The following RGS9 variants were observed in gnomAD, a reference collection of about 807,000 sequenced individuals.
RGS9 encodes regulator of G-protein signalling 9.
RGS9 carries 78 observed loss-of-function variants against 102.0 expected under a neutral mutation model. The ratio of observed to expected loss-of-function variants is 0.76; its 90% CI spans 0.64 to 0.92. The LOEUF (loss-of-function observed/expected upper bound fraction) is 0.92, where lower values mean the gene tolerates loss of function less well. Ranked by LOEUF, RGS9 falls within the 40% of genes least tolerant of loss-of-function variation. The pLI, the probability that RGS9 is intolerant of heterozygous loss-of-function variation, is 0.00. For synonymous variants in RGS9, 353 were observed against 318.6 expected, an observed-to-expected ratio of 1.11 and a Z score of -1.15; for missense variants, 833 against 866.1, an observed-to-expected ratio of 0.96 and a Z score of 0.48.
At chr17:65,164,959 G>C (rs1372565217) in intron 7 of RGS9, among the ~76,000 whole-genome samples, 1 of 152,142 alleles carries the variant, frequency 6.6e-6, no homozygotes, top group Admixed American at 6.5e-5. Context: ...TTACTTAGCT[G>C]AAGTCACTTG....
chr17:65,151,356 AAAG>A (rs1183145102), intron 1 of RGS9, among the ~76,000 whole-genome samples: 2,426 of 138,332 alleles, frequency 0.018, 50 homozygotes, highest in African/African-American at 0.058. Flanking sequence ...AAAAAAAAAA[AAAG>A]AGTCCTTCAG....
chr17:65,137,862 C>A (rs1909970219), intron 1 of RGS9, among the ~76,000 whole-genome samples: 1 of 152,242 alleles, frequency 6.6e-6, no homozygotes, highest in Non-Finnish European at 1.5e-5. Flanking sequence ...TCGGGAGAGG[C>A]AGGTTCAGTT....
chr17:65,147,543 G>A (rs142774013), intron 1 of RGS9, among the ~76,000 whole-genome samples: 13 of 148,548 alleles, frequency 8.8e-5, no homozygotes, highest in Admixed American at 2.7e-4. Context: ...TGAATGACCC[G>A]TCACCTTGAA....
intron 8 of RGS9, among the ~76,000 whole-genome samples, chr17:65,176,772 T>C (rs112151092): frequency 0.031 from 4,348 of 139,976 alleles, 204 homozygotes; most frequent in African/African-American, 0.11. Flanking sequence ...CCCATCCGTC[T>C]ATCTCTTCAC....
At chr17:65,170,821 C>T (rs1911388092) in intron 8 of RGS9, among the ~76,000 whole-genome samples, 1 of 152,144 alleles carries the variant, frequency 6.6e-6, no homozygotes, top group South Asian at 2.1e-4. Context: ...AAAACCAGAC[C>T]AGTAGTCAAA....
chr17:65,215,496 C>T (rs1456694915), intron 17 of RGS9, among the ~76,000 whole-genome samples: 1 of 109,980 alleles, frequency 9.1e-6, no homozygotes, highest in Non-Finnish European at 1.8e-5. Flanking sequence ...TTCGTTCTTT[C>T]GTTCTTTCTT....
At position 65,160,804 on chromosome 17, in the gene RGS9, G is replaced by A. The variant is rs748435440; in HGVS notation, c.365-47G>A. On this transcript the variant is annotated intron_variant, in intron 5 of 18. Coordinates refer to ENST00000262406, the MANE Select transcript of RGS9 (RefSeq NM_003835.4). ...CTCAGGCTTAGGGAGGCTGCAGATG[G>A]GGTTTTGAAAGATGATGATGGAAAA... 1.9e-6 allele frequency: 3 copies of A among 1,589,910 alleles called. No homozygotes were observed. In the African/African-American group the frequency reaches 4.0e-5, roughly 21 times the overall value.
rs182484152 is a variant in RGS9, at chr17:65,190,320, G to A, written c.746+84G>A. 247 of 1,070,458 alleles carry A rather than the reference G, an allele frequency of 2.3e-4. 4 individuals carry two copies. The Admixed American group carries it at 4.1e-3, about 18-fold the overall frequency. The allele number at this position is 1,070,458 out of a possible 1,614,324, so 66.3% of individuals were successfully genotyped here. A position where few individuals can be genotyped will look rare whatever the true frequency, so the allele number is the denominator to read the frequency against. On this transcript the variant is annotated intron_variant, in intron 11 of 18. Transcript: ENST00000262406. The stretch of plus-strand genomic sequence containing the variant: ...ACTTCTGCAAACTCGACAAGTCCTG[G>A]GCTGACAGACTGAAGATTCAGCAGA...
chr17:65,184,420 C>T (rs1282146028), intron 9 of RGS9, among the ~76,000 whole-genome samples: 4 of 152,164 alleles, frequency 2.6e-5, no homozygotes, highest in Non-Finnish European at 5.9e-5. Context: ...GTGCCGCTCA[C>T]GTGCTCAGTG....
At chr17:65,204,933 T>C (rs1912993187) in intron 15 of RGS9, among the ~76,000 whole-genome samples, 1 of 152,172 alleles carries the variant, frequency 6.6e-6, no homozygotes, top group South Asian at 2.1e-4. Context: ...GGCCGAGCTC[T>C]TAGTTTCTGC....
chr17:65,158,145 G>A, intron 2 of RGS9, 150 bp from the exon 3 acceptor site: 3 of 770,298 alleles, frequency 3.9e-6, no homozygotes, highest in Non-Finnish European at 7.1e-6. Context: ...CTGGGACTGA[G>A]CATGATGAGG....
At chr17:65,188,854 A>T in intron 9 of RGS9, 1 of 203,136 alleles carries the variant, frequency 4.9e-6, no homozygotes, top group Non-Finnish European at 1.0e-5. Flanking sequence ...GGCTCAAGCG[A>T]TCCTCCCTCC....
chr17:65,154,275 C>T (rs1289227425), intron 2 of RGS9, among the ~76,000 whole-genome samples: 3 of 152,194 alleles, frequency 2.0e-5, no homozygotes, highest in Non-Finnish European at 4.4e-5. Context: ...CCACTGCACT[C>T]CAGCCTGGGT....
At chr17:65,155,546 G>C (rs1448600682) in intron 2 of RGS9, among the ~76,000 whole-genome samples, 1 of 152,036 alleles carries the variant, frequency 6.6e-6, no homozygotes, top group Non-Finnish European at 1.5e-5. Context: ...GTTTTGTTTT[G>C]TTTGTTTGTT....
chr17:65,178,687 T>C (rs1459633077), intron 9 of RGS9, among the ~76,000 whole-genome samples: 1 of 152,096 alleles, frequency 6.6e-6, no homozygotes. Flanking sequence ...AAATTATCTG[T>C]AGAGACAGTG....
At chr17:65,212,287 A>G (rs1451777202) in intron 17 of RGS9, among the ~76,000 whole-genome samples, 2 of 152,234 alleles carry the variant, frequency 1.3e-5, no homozygotes, top group African/African-American at 4.8e-5. Context: ...TGCAAAAGAC[A>G]GGGAAAGTTG....
intron 12 of RGS9, 54 bp from the exon 13 acceptor site, chr17:65,197,072 C>T: frequency 1.5e-6 from 2 of 1,325,258 alleles, no homozygotes; most frequent in Non-Finnish European, 2.1e-6. Context: ...CAACCCAGGC[C>T]ACCACCTGTC....
intron 7 of RGS9, among the ~76,000 whole-genome samples, chr17:65,164,675 G>T (rs1030783063): frequency 6.6e-6 from 1 of 152,180 alleles, no homozygotes; most frequent in East Asian, 1.9e-4. Flanking sequence ...TGCCCTCCAG[G>T]GGGGAAAATA....
At chr17:65,163,258 T>C (rs1390046811) in intron 7 of RGS9, among the ~76,000 whole-genome samples, 169 bp downstream of exon 7, 1 of 151,206 alleles carries the variant, frequency 6.6e-6, no homozygotes, top group East Asian at 1.9e-4. Flanking sequence ...CACTGCAACC[T>C]CCGCCTCCTG....
Sources: gnomAD v4.1 joint callset for allele counts (sites outside exome capture counted in the v4.1 genomes callset) on GRCh38, gnomAD v4.1.1 for gene constraint, MANE v1.5 for transcripts, NCBI Gene and HGNC (gene_info 2026-07-23, HGNC 2026-07-21) for gene names.